GRIA4: variants seen among roughly 807,000 people sequenced by gnomAD.
GRIA4 encodes the protein glutamate receptor 4.
Under a neutral mutation model 104.0 loss-of-function variants are expected in GRIA4, and 34 were observed. The observed-to-expected ratio is 0.33, with a 90% CI of 0.25 to 0.44. The LOEUF (loss-of-function observed/expected upper bound fraction) is 0.44, where lower values mean the gene tolerates loss of function less well. Ranked by LOEUF, GRIA4 falls within the 20% of genes least tolerant of loss-of-function variation. The pLI is 1.00. For missense variants in GRIA4, 750 were observed against 1,096.5 expected (o/e 0.68, Z 4.46); for synonymous variants, 386 against 381.9 (o/e 1.01, Z -0.13).
rs565249212 is a variant in GRIA4, at chr11:105,893,718, C to A, written c.727-4551C>A. ...ACGCTATGAAAGAAGGTTTGGCAGA[C>A]CTTCTATTTCAGCCATGTTTGAAAG... On this transcript the variant is annotated intron_variant, in intron 6 of 16. Transcript: ENST00000282499. Among the ~76,000 whole-genome samples, 51 of 152,272 alleles carry A rather than the reference C, an allele frequency of 3.3e-4. 1 individual carries two copies. In the East Asian group the frequency reaches 8.5e-3, roughly 25 times the overall value.
chr11:105,887,616 C>CAAA (rs777279007), intron 6 of GRIA4, 44 bp downstream of exon 6: 2 of 859,110 alleles, frequency 2.3e-6, no homozygotes, highest in East Asian at 5.0e-5. Context: ...ATTGCTCAAG[C>CAAA]ACACAAGATT....
chr11:105,922,818 G>A (rs1947601712), intron 11 of GRIA4, among the ~76,000 whole-genome samples: 2 of 151,918 alleles, frequency 1.3e-5, no homozygotes, highest in South Asian at 4.2e-4. Context: ...TAATGGGCTG[G>A]GTCATACTAA....
chr11:105,769,378 T>G (rs1938956), intron 4 of GRIA4, among the ~76,000 whole-genome samples: 92,839 of 151,762 alleles, frequency 0.61, 28,412 homozygotes, highest in Middle Eastern at 0.65. Context: ...AAGACTAAGA[T>G]TTCCAGATGA....
intron 4 of GRIA4, among the ~76,000 whole-genome samples, chr11:105,855,722 A>T (rs1384378662): frequency 6.6e-6 from 1 of 152,158 alleles, no homozygotes; most frequent in Admixed American, 6.6e-5. Context: ...ATAATGATGG[A>T]GGCAAACTTG....
chr11:105,739,155 C>T (rs548074589), intron 3 of GRIA4, among the ~76,000 whole-genome samples: 5 of 152,138 alleles, frequency 3.3e-5, no homozygotes, highest in Non-Finnish European at 7.4e-5. Context: ...TGAATGGAAT[C>T]TTGCTCCTCG....
chr11:105,941,013 A>G (rs1948168988), intron 14 of GRIA4, among the ~76,000 whole-genome samples: 1 of 152,196 alleles, frequency 6.6e-6, no homozygotes, highest in Admixed American at 6.5e-5. Flanking sequence ...AATAACATAC[A>G]TCTGAGATAA....
chr11:105,661,003 G>GA (rs1372382735), intron 3 of GRIA4, among the ~76,000 whole-genome samples: 16 of 151,454 alleles, frequency 1.1e-4, no homozygotes, highest in East Asian at 1.9e-4. Context: ...CTGTATAGAA[G>GA]AAAAAATTCA....
chr11:105,675,557 C>T (rs956552347), intron 3 of GRIA4, among the ~76,000 whole-genome samples: 1 of 151,556 alleles, frequency 6.6e-6, no homozygotes, highest in African/African-American at 2.4e-5. Flanking sequence ...CATATTGCTC[C>T]CCAGTTGGAA....
At chr11:105,977,655 T>C (rs1859053883) in intron 16 of GRIA4, among the ~76,000 whole-genome samples, 1 of 152,050 alleles carries the variant, frequency 6.6e-6, no homozygotes, top group Non-Finnish European at 1.5e-5. Context: ...TTATTTAGCA[T>C]CTTGATACCA....
intron 14 of GRIA4, among the ~76,000 whole-genome samples, chr11:105,958,287 T>C (rs181444672): frequency 0.023 from 3,576 of 152,336 alleles, 53 homozygotes; most frequent in Middle Eastern, 0.041. Context: ...ATACGTCCCA[T>C]CAATACCTAG....
intron 4 of GRIA4, among the ~76,000 whole-genome samples, chr11:105,819,155 G>C (rs964544627): frequency 5.9e-5 from 9 of 152,100 alleles, no homozygotes; most frequent in Non-Finnish European, 1.3e-4. Flanking sequence ...GGCAACTAAA[G>C]GTGGAAAAGT....
chr11:105,738,396 A>G (rs1000827857), intron 3 of GRIA4, among the ~76,000 whole-genome samples: 36 of 32,524 alleles, frequency 1.1e-3, no homozygotes, highest in African/African-American at 3.4e-3. Flanking sequence ...GCTGGAGCAG[A>G]AAAAAAATAA....
rs60005308 is a variant in GRIA4 at position 105,911,775 on chromosome 11, A to AATATATATATAT, written c.1269+1253_1269+1264dup. On this transcript the variant is annotated intron_variant, in intron 10 of 16. Coordinates refer to ENST00000282499, the MANE Select transcript of GRIA4 (RefSeq NM_000829.4). ...AATATTTGCATGGGACTTGAAAAGC[A>AATATATATATAT]ATATATATATATATATATATATATA... is the stretch of plus-strand genomic sequence containing the variant. 706 of 74,528 alleles carry AATATATATATAT rather than the reference A, an allele frequency of 9.5e-3. 30 individuals are homozygous for AATATATATATAT. Among genetic ancestry groups the AATATATATATAT allele is most frequent in the African/African-American group, 0.026 (379 of 14,426 alleles). 4.6% of individuals were successfully genotyped at this position (74,528 alleles called of 1,614,324 possible).
At chr11:105,949,515 A>G (rs1349659111) in intron 14 of GRIA4, among the ~76,000 whole-genome samples, 1 of 152,170 alleles carries the variant, frequency 6.6e-6, no homozygotes, top group Non-Finnish European at 1.5e-5. Context: ...AGATTTACAT[A>G]GATCGTGTTG....
intron 4 of GRIA4, among the ~76,000 whole-genome samples, chr11:105,754,861 C>T (rs1940209704): frequency 1.3e-5 from 2 of 152,106 alleles, no homozygotes; most frequent in South Asian, 4.1e-4. Flanking sequence ...TTAGAGGTTC[C>T]TAAATATCTT....
chr11:105,933,700 A>G, intron 13 of GRIA4, 22 bp from the exon 14 acceptor site: 1 of 1,508,078 alleles, frequency 6.6e-7, no homozygotes, highest in Non-Finnish European at 9.0e-7. Context: ...CCTGTATTTA[A>G]TTTTATTTTA....
chr11:105,802,355 A>G (rs1032777529), intron 4 of GRIA4, among the ~76,000 whole-genome samples: 2 of 152,092 alleles, frequency 1.3e-5, no homozygotes, highest in Non-Finnish European at 2.9e-5. Context: ...CAGATTTAAA[A>G]CCATCAGAAA....
intron 4 of GRIA4, among the ~76,000 whole-genome samples, chr11:105,768,534 AAGG>A (rs1373689421): frequency 2.0e-5 from 3 of 152,194 alleles, no homozygotes; most frequent in East Asian, 1.9e-4. Context: ...TCTTTCAAAA[AAGG>A]AGAAGAAATA....
intron 4 of GRIA4, among the ~76,000 whole-genome samples, chr11:105,756,583 C>T (rs1347012945): frequency 6.6e-6 from 1 of 151,442 alleles, no homozygotes; most frequent in Non-Finnish European, 1.5e-5. Flanking sequence ...AGAGATTTAT[C>T]TTTAATATTT....
Sources: gnomAD v4.1 joint callset for allele counts (sites outside exome capture counted in the v4.1 genomes callset) on GRCh38, gnomAD v4.1.1 for gene constraint, MANE v1.5 for transcripts, NCBI Gene and HGNC (gene_info 2026-07-23, HGNC 2026-07-21) for gene names.